GATA6: variants seen among roughly 807,000 people sequenced by gnomAD.
GATA6 encodes GATA binding protein 6, also known as transcription factor GATA-6.
In GATA6, 11 loss-of-function variants were observed where a neutral mutation model predicts 48.1. The observed-to-expected ratio is 0.23, with a 90% confidence interval of 0.14 to 0.38. GATA6 has a LOEUF of 0.38. Ranked by LOEUF, GATA6 falls within the 10% of genes least tolerant of loss-of-function variation. GATA6 has a pLI of 1.00. For missense variants in GATA6, 795 were observed against 850.3 expected (o/e 0.93, Z 0.81); for synonymous variants, 419 against 396.1 (o/e 1.06, Z -0.69).
At chr18:22,188,458 A>G (rs1356224457) in intron 6 of GATA6, among the ~76,000 whole-genome samples, 1 of 152,224 alleles carries the variant, frequency 6.6e-6, no homozygotes, top group Non-Finnish European at 1.5e-5. Flanking sequence ...CCAGGAAAGA[A>G]GAAGGCATAG....
At chr18:22,182,089 T>C (rs1337066472) in intron 4 of GATA6, among the ~76,000 whole-genome samples, 6 of 152,166 alleles carry the variant, frequency 3.9e-5, no homozygotes, top group Admixed American at 1.3e-4. Flanking sequence ...CAAAATATAA[T>C]AAACAACTCA....
At chr18:22,199,497 A>G (rs568722978) in intron 6 of GATA6, among the ~76,000 whole-genome samples, 1 of 152,342 alleles carries the variant, frequency 6.6e-6, no homozygotes, top group African/African-American at 2.4e-5. Context: ...GTCTAAACAG[A>G]TTTTAGTTAT....
Position 22,172,429 on chromosome 18 carries a change from C to T in GATA6, c.1135+150C>T. On this transcript the variant is annotated intron_variant, in intron 2 of 6. Coordinates refer to ENST00000269216, the MANE Select transcript of GATA6 (RefSeq NM_005257.6). The surrounding 1 kb of genome is among the most constrained non-coding windows in gnomAD (Gnocchi z 5.2). Reference sequence around the variant, plus strand: ...CCTGGTCCCAGGAAGGATTTGCAGGCCTGTGGCTGGGTAACCCAGAGTCCG... The same window carrying T: ...CCTGGTCCCAGGAAGGATTTGCAGGTCTGTGGCTGGGTAACCCAGAGTCCG... 1 of 1,391,148 alleles carries T rather than the reference C, an allele frequency of 7.2e-7. No homozygotes were observed. The highest frequency in any genetic ancestry group is 1.5e-5 in the South Asian group (1 of 67,498). 86.2% of individuals were successfully genotyped at this position (1,391,148 alleles called of 1,614,324 possible).
chr18:22,174,912 A>G (rs2033101796), intron 2 of GATA6, among the ~76,000 whole-genome samples: 1 of 151,418 alleles, frequency 6.6e-6, no homozygotes, highest in Non-Finnish European at 1.5e-5. Context: ...GAGTCCTCAC[A>G]CTCCTTTATT....
intron 6 of GATA6, among the ~76,000 whole-genome samples, chr18:22,198,918 A>C (rs1410007696): frequency 6.6e-6 from 1 of 152,184 alleles, no homozygotes; most frequent in African/African-American, 2.4e-5. Context: ...AAGTCTTTAC[A>C]TTTGTGTTAT....
intron 6 of GATA6, among the ~76,000 whole-genome samples, chr18:22,191,940 G>C (rs2033332183): frequency 6.6e-6 from 1 of 152,260 alleles, no homozygotes; most frequent in Non-Finnish European, 1.5e-5. Flanking sequence ...TGTGCTGCCT[G>C]TTTTGGTTGT....
intron 6 of GATA6, among the ~76,000 whole-genome samples, chr18:22,200,171 G>C (rs2033439606): frequency 7.3e-6 from 1 of 136,876 alleles, no homozygotes; most frequent in Admixed American, 7.5e-5. Context: ...GATAAGCCTT[G>C]TTAGAGTGTG....
chr18:22,181,350 A>T, intron 3 of GATA6, 103 bp from the exon 4 acceptor site: 1 of 1,326,588 alleles, frequency 7.5e-7, no homozygotes, highest in South Asian at 1.2e-5. Flanking sequence ...AATAAAACAG[A>T]TACATACTTG....
At chr18:22,182,887 A>G (rs774738165) in intron 5 of GATA6, 43 bp downstream of exon 5, 1 of 1,595,954 alleles carries the variant, frequency 6.3e-7, no homozygotes, top group South Asian at 1.1e-5. Context: ...GTATTTGCCA[A>G]CCTTAACAGT....
intron 6 of GATA6, among the ~76,000 whole-genome samples, chr18:22,184,974 G>A (rs1297562479): frequency 6.6e-6 from 1 of 152,164 alleles, no homozygotes; most frequent in Non-Finnish European, 1.5e-5. Context: ...GTGGCAAAAA[G>A]ACTAATTTGA....
In GATA6 at chr18:22,200,982, A is replaced by G; in HGVS notation, c.*159A>G. On this transcript the variant is annotated 3_prime_UTR_variant, in exon 7 of 7. Transcript: ENST00000269216. ...TGTTTTTCCCAAGAGGCTTGCTGAA[A>G]GAGTGAGAGAAGATGGAAGGGAAGG... 1.1e-6 allele frequency: 1 copy of G among 913,158 alleles called. No homozygotes were observed. The highest frequency in any genetic ancestry group is 1.7e-5 in the South Asian group (1 of 58,420). The allele number at this position is 913,158 out of a possible 1,614,324, so 56.6% of individuals were successfully genotyped here.
In GATA6 at chr18:22,171,983, G is replaced by A; in HGVS notation, c.839G>A (p.Gly280Glu). 8.2e-7 allele frequency: 1 copy of A among 1,221,488 alleles called. No individual in the cohort carries two copies. The highest frequency in any genetic ancestry group is 1.0e-6 in the Non-Finnish European group (1 of 982,438). 75.7% of individuals were successfully genotyped at this position (1,221,488 alleles called of 1,614,324 possible). The change falls in exon 2 of 7, where the codon GGA becomes GAA. Residue 280 changes from glycine to glutamate, a missense_variant. Physicochemically the swap from Gly to Glu is moderately conservative, Grantham distance 98. This residue lies in a region of GATA6 where 591 missense variants were observed against 570.0 expected (regional missense o/e 1.04). Transcript: ENST00000269216. This position sits in a 1 kb window ranked among gnomAD's most constrained non-coding sequence, Gnocchi z 7.1. ...GCCAACGGCGCCGCGCGGGAGCCGG[G>A]AGGCTACGCGGCGGCGGGCAGTGGG... Reference protein sequence around the residue: ...PMANGAAREPGGYAAAGSGGA... With the variant: ...PMANGAAREPEGYAAAGSGGA...
intron 4 of GATA6, among the ~76,000 whole-genome samples, 170 bp from the exon 5 acceptor site, chr18:22,182,587 A>G (rs1029577195): frequency 6.6e-6 from 1 of 152,096 alleles, no homozygotes; most frequent in African/African-American, 2.4e-5. Context: ...CGAACTCCTG[A>G]CCTCAGGTGA....
intron 6 of GATA6, among the ~76,000 whole-genome samples, chr18:22,189,433 T>G (rs2033301911): frequency 6.6e-6 from 1 of 151,888 alleles, no homozygotes; most frequent in African/African-American, 2.4e-5. Context: ...TGCAGGGGGG[T>G]TCTTTATTAG....
At chr18:22,195,463 T>C (rs1214045410) in intron 6 of GATA6, among the ~76,000 whole-genome samples, 1 of 152,200 alleles carries the variant, frequency 6.6e-6, no homozygotes, top group East Asian at 1.9e-4. Context: ...AGTTATTAGG[T>C]TGGTGCAAAA....
rs201707559 is a variant in GATA6 at position 22,200,789 on chromosome 18, G to C, written c.1754G>C (p.Arg585Pro). ...CCGGCCGAAGTCACGTCCTCCGTGC[G>C]ACCGGATTCCTGGTGCGCCCTGGCC... ...ASPAEVTSSV[R>P]PDSWCALALA The change falls in exon 7 of 7, where the codon CGA (arginine) becomes CCA (proline). Residue 585 changes from arginine to proline, a missense_variant. Physicochemically the swap from Arg to Pro is moderately radical, Grantham distance 103. Coordinates refer to ENST00000269216, the MANE Select transcript of GATA6 (RefSeq NM_005257.6). 6.2e-7 allele frequency: 1 copy of C among 1,612,998 alleles called. No homozygotes were observed. The highest frequency in any genetic ancestry group is 8.5e-7 in the Non-Finnish European group (1 of 1,179,966).
rs781520905 is a variant in GATA6 at position 22,200,872 on chromosome 18, A to T, written c.*49A>T. The T allele has an allele frequency of 2.6e-6, 4 of 1,557,768 alleles. No individual in the cohort carries two copies. The highest frequency in any genetic ancestry group is 1.4e-5 in the African/African-American group (1 of 73,860). On this transcript the variant is annotated 3_prime_UTR_variant, in exon 7 of 7. Transcript: ENST00000269216. ...AGGGCTCCGCCGCGGGCCTCACTCC[A>T]CTCGTGTCTGCTTTTGTGCAGCGGT...
chr18:22,176,868 G>T lies in GATA6; in HGVS notation c.1136-87G>T. ...CACGGGCAGGGAAGCCGGGCACCGG[G>T]GCTGGGGGCCGGGGTCCCCGGGGTG... is the stretch of plus-strand genomic sequence containing the variant. On this transcript the variant is annotated intron_variant, in intron 2 of 6. Transcript: ENST00000269216. 3 of 1,441,438 alleles carry T rather than the reference G, an allele frequency of 2.1e-6. No homozygotes were observed. In the South Asian group the frequency reaches 4.2e-5, roughly 20 times the overall value. The allele number at this position is 1,441,438 out of a possible 1,614,324, so 89.3% of individuals were successfully genotyped here. A position where few individuals can be genotyped will look rare whatever the true frequency, so the allele number is the denominator to read the frequency against.
intron 6 of GATA6, among the ~76,000 whole-genome samples, chr18:22,188,686 C>T (rs188455182): frequency 6.6e-6 from 1 of 152,238 alleles, no homozygotes. Context: ...CTTACTGGAG[C>T]GTTCTGTATT....
Sources: allele counts gnomAD v4.1 joint callset (sites outside exome capture counted in the v4.1 genomes callset), GRCh38; gene constraint gnomAD v4.1.1; regional missense constraint gnomAD v4.1.1; non-coding constraint Gnocchi (gnomAD v3.1); transcripts MANE v1.5; gene names NCBI Gene and HGNC (gene_info 2026-07-23, HGNC 2026-07-21).